TTLL2: variants seen among roughly 807,000 people sequenced by gnomAD.
TTLL2 encodes the protein probable tubulin polyglutamylase TTLL2.
TTLL2 carries 10 observed loss-of-function variants against 7.5 expected under a neutral mutation model. The observed-to-expected ratio is 1.33, with a 90% CI of 0.82 to 2.25. TTLL2 has a LOEUF of 2.25. Ranked by LOEUF, TTLL2 falls within the 30% of genes most tolerant of loss-of-function variation. The probability of loss-of-function intolerance (pLI) is 0.00; values close to 1 mark genes in which losing one functional copy is unlikely to be tolerated. For synonymous variants in TTLL2, 284 were observed against 280.3 expected (o/e 1.01, Z -0.13); for missense variants, 733 against 735.7 (o/e 1.00, Z 0.04).
intron 2 of TTLL2, among the ~76,000 whole-genome samples, chr6:167,339,783 G>A (rs1278011775): frequency 2.6e-5 from 4 of 152,232 alleles, no homozygotes; most frequent in Admixed American, 2.6e-4. Flanking sequence ...ACGGGCCGCA[G>A]ATATGGGTCT....
Position 167,340,188 on chromosome 6 carries a change from G to A in TTLL2, c.288G>A (p.Pro96=), listed in dbSNP as rs138704693. ...PLVFRVDETT[P]AVVQSVLLER... ...TTTTTCGCGTTGACGAGACCACCCCGGCTGTGGTGCAAAGCGTCCTCCTGG... is the reference window on the plus strand; with the variant it reads ...TTTTTCGCGTTGACGAGACCACCCCAGCTGTGGTGCAAAGCGTCCTCCTGG... Residue 96 remains proline (P), a synonymous_variant, in exon 3 of 3, where the codon CCG becomes CCA. Coordinates refer to ENST00000239587, the MANE Select transcript of TTLL2 (RefSeq NM_031949.5). The A allele has an allele frequency of 3.6e-4, 573 of 1,613,744 alleles. 1 individual carries two copies. The highest frequency in any genetic ancestry group is 1.6e-3 in the African/African-American group (120 of 74,884).
intron 1 of TTLL2, among the ~76,000 whole-genome samples, chr6:167,336,954 G>T (rs997803584): frequency 6.6e-6 from 1 of 152,166 alleles, no homozygotes; most frequent in Non-Finnish European, 1.5e-5. Context: ...CCCGCCCTGG[G>T]ATGATGGCCA....
intron 2 of TTLL2, among the ~76,000 whole-genome samples, chr6:167,339,083 A>C (rs964114151): frequency 6.6e-6 from 1 of 151,166 alleles, no homozygotes; most frequent in Non-Finnish European, 1.5e-5. Context: ...CTTTCTTGTA[A>C]AACCTTCACG....
At chr6:167,332,360 G>A (rs1222066311) in intron 1 of TTLL2, among the ~76,000 whole-genome samples, 2 of 152,090 alleles carry the variant, frequency 1.3e-5, no homozygotes, top group South Asian at 2.1e-4. Flanking sequence ...TTACCCTCCC[G>A]TTAGCTGACA....
intron 1 of TTLL2, among the ~76,000 whole-genome samples, chr6:167,335,909 C>T (rs1173540484): frequency 6.8e-6 from 1 of 146,932 alleles, no homozygotes; most frequent in Admixed American, 6.8e-5. Context: ...CAGCATGGCA[C>T]ATGTATACAT....
At chr6:167,339,963 C>T (rs1043167113) in intron 2 of TTLL2, 142 bp from the exon 3 acceptor site, 8 of 795,436 alleles carry the variant, frequency 1.0e-5, no homozygotes, top group South Asian at 4.0e-5. Context: ...GGTGAAGAGA[C>T]GTGGGTGTCC....
chr6:167,330,884 T>G (rs1241946703), intron 1 of TTLL2, among the ~76,000 whole-genome samples: 1 of 152,100 alleles, frequency 6.6e-6, no homozygotes, highest in Non-Finnish European at 1.5e-5. Flanking sequence ...GCGTGGGCAT[T>G]CCCGTGATCC....
chr6:167,341,216 C>G lies in TTLL2; in HGVS notation c.1316C>G (p.Ala439Gly), dbSNP rs750005626. 8 of 1,613,504 alleles carry G rather than the reference C, an allele frequency of 5.0e-6. No individual in the cohort carries two copies. Among genetic ancestry groups the G allele is most frequent in the Non-Finnish European group, 5.9e-6 (7 of 1,179,984 alleles). ...ACACATGGAAATTCCAACATCGACG[C>G]TGCAAAAAGTGACAGAGGTGGGCTT... is the stretch of plus-strand genomic sequence containing the variant. ...NATHGNSNID[A>G]AKSDRGGLDA... Residue 439 changes from alanine (A) to glycine (G), a missense_variant, in exon 3 of 3, where the codon GCT (alanine) becomes GGT (glycine). Coordinates refer to ENST00000239587, the MANE Select transcript of TTLL2 (RefSeq NM_031949.5).
At chr6:167,333,792 C>T (rs1404556289) in intron 1 of TTLL2, among the ~76,000 whole-genome samples, 3 of 120,326 alleles carry the variant, frequency 2.5e-5, no homozygotes, top group Admixed American at 8.8e-5. Flanking sequence ...GGTGATATCC[C>T]CTTTATCATT....
rs549388773 is a variant in TTLL2, at chr6:167,342,085, T to A, written c.*406T>A. On this transcript the variant is annotated 3_prime_UTR_variant, in exon 3 of 3. Coordinates refer to ENST00000239587, the MANE Select transcript of TTLL2 (RefSeq NM_031949.5). ...AGTTAACTTTCTGTGTGTTTTTTTT[T>A]AAATCAACCAGTTATTTGTTAAAAT... is the stretch of plus-strand genomic sequence containing the variant. 54 of 160,668 alleles carry A rather than the reference T, an allele frequency of 3.4e-4. No individual in the cohort carries two copies. The highest frequency in any genetic ancestry group is 6.5e-4 in the African/African-American group (27 of 41,756). The allele number at this position is 160,668 out of a possible 1,614,324, so 10.0% of individuals were successfully genotyped here. A position where few individuals can be genotyped will look rare whatever the true frequency, so the allele number is the denominator to read the frequency against.
At chr6:167,338,879 T>TCC in intron 2 of TTLL2, 76 bp downstream of exon 2, 1 of 982,266 alleles carries the variant, frequency 1.0e-6, no homozygotes, top group Non-Finnish European at 1.4e-6. Context: ...TTCCTCCTTC[T>TCC]TTTTTCCCCT....
chr6:167,341,427 C>T lies in TTLL2; in HGVS notation c.1527C>T (p.Pro509=). ...LSTREMPQSK[P]KLRSRHTPHK... is the part of the protein sequence containing the mutation. ...CAAGGGAGATGCCACAAAGCAAGCC[C>T]AAGTTACGGAGCAGGCACACGCCTC... Residue 509 remains proline (P), a synonymous_variant, in exon 3 of 3, where the codon CCC becomes CCT. Coordinates refer to ENST00000239587, the MANE Select transcript of TTLL2 (RefSeq NM_031949.5). 3.7e-6 allele frequency: 6 copies of T among 1,613,954 alleles called. No individual in the cohort carries two copies. The highest frequency in any genetic ancestry group is 5.1e-6 in the Non-Finnish European group (6 of 1,180,022).
At chr6:167,330,453 T>C (rs1327034125) in intron 1 of TTLL2, among the ~76,000 whole-genome samples, 1 of 151,772 alleles carries the variant, frequency 6.6e-6, no homozygotes, top group Non-Finnish European at 1.5e-5. Context: ...CCCAACTACT[T>C]GAGAGGCTGA....
At chr6:167,330,496 G>A (rs1229773235) in intron 1 of TTLL2, among the ~76,000 whole-genome samples, 1 of 152,070 alleles carries the variant, frequency 6.6e-6, no homozygotes, top group African/African-American at 2.4e-5. Context: ...GGGAGGCAGA[G>A]GTTGCAGTGA....
rs199539964 is a variant in TTLL2, at chr6:167,332,010, G to GT, written c.48-6628dup. ...CTCCTTTAAATTTAATTTGGCTGAAGTTTTTTTTTAACAATAGTATTCCAT... is the reference window on the plus strand; with the variant it reads ...CTCCTTTAAATTTAATTTGGCTGAAGTTTTTTTTTTAACAATAGTATTCCAT... On this transcript the variant is annotated intron_variant, in intron 1 of 2. Coordinates refer to ENST00000239587, the MANE Select transcript of TTLL2 (RefSeq NM_031949.5). 7.8e-3 allele frequency among the ~76,000 whole-genome samples: 1,176 copies of GT among 151,704 alleles called. 14 individuals carry two copies. Among genetic ancestry groups the GT allele is most frequent in the African/African-American group, 0.027 (1,129 of 41,350 alleles).
At position 167,340,540 on chromosome 6, in the gene TTLL2, G is replaced by T. The variant is rs201955866; in HGVS notation, c.640G>T (p.Ala214Ser). The T allele has an allele frequency of 4.3e-6, 7 of 1,614,192 alleles. No individual in the cohort carries two copies. In the East Asian group the frequency reaches 1.3e-4, roughly 31 times the overall value. ...GCATAGCTATTGGATTTGCAAGCCT[G>T]CTGAGTTATCTCGTGGGAGGGGGAT... The part of the protein sequence containing the change: ...TKHSYWICKP[A>S]ELSRGRGILI... Residue 214 changes from alanine (A) to serine (S), a missense_variant, in exon 3 of 3, where the codon GCT becomes TCT. Ala to Ser is a moderately conservative substitution (Grantham distance 99). Coordinates refer to ENST00000239587, the MANE Select transcript of TTLL2 (RefSeq NM_031949.5).
At chr6:167,332,219 C>G (rs1424062485) in intron 1 of TTLL2, among the ~76,000 whole-genome samples, 1 of 152,142 alleles carries the variant, frequency 6.6e-6, no homozygotes, top group Non-Finnish European at 1.5e-5. Context: ...AAGTACAGAA[C>G]CTCCTGTTTG....
At chr6:167,332,401 C>T (rs896017738) in intron 1 of TTLL2, among the ~76,000 whole-genome samples, 4 of 152,058 alleles carry the variant, frequency 2.6e-5, no homozygotes, top group African/African-American at 9.7e-5. Flanking sequence ...CCTTTAGACC[C>T]AACTTATAAG....
chr6:167,335,715 G>T (rs980784137), intron 1 of TTLL2, among the ~76,000 whole-genome samples: 1 of 150,854 alleles, frequency 6.6e-6, no homozygotes, highest in Admixed American at 6.6e-5. Context: ...GTAAACTATC[G>T]CAAGAACAAA....
Sources: allele counts gnomAD v4.1 joint callset (sites outside exome capture counted in the v4.1 genomes callset), GRCh38; gene constraint gnomAD v4.1.1; transcripts MANE v1.5; gene names NCBI Gene and HGNC (gene_info 2026-07-23, HGNC 2026-07-21).